The following HGF variants were observed in gnomAD, a reference collection of about 807,000 sequenced individuals.
HGF encodes the protein fibroblast-derived tumor cytotoxic factor.
In HGF, 39 loss-of-function variants were observed where a neutral mutation model predicts 111.6. That is an observed-to-expected ratio of 0.35 (90% CI 0.27 to 0.46). The LOEUF (loss-of-function observed/expected upper bound fraction) is 0.46, where lower values mean the gene tolerates loss of function less well. Ranked by LOEUF, HGF falls within the 20% of genes least tolerant of loss-of-function variation. HGF has a pLI of 1.00. For synonymous variants in HGF, 285 were observed against 294.8 expected, an observed-to-expected ratio of 0.97 and a Z score of 0.34; for missense variants, 735 against 910.5, an observed-to-expected ratio of 0.81 and a Z score of 2.48.
At chr7:81,754,493 T>C (rs1190662972) in intron 4 of HGF, among the ~76,000 whole-genome samples, 3 of 151,672 alleles carry the variant, frequency 2.0e-5, no homozygotes, top group Non-Finnish European at 4.4e-5. Context: ...CAAATACAGG[T>C]AGAAAGGAAG....
intron 8 of HGF, among the ~76,000 whole-genome samples, chr7:81,727,278 G>T (rs1250351596): frequency 6.6e-6 from 1 of 151,570 alleles, no homozygotes; most frequent in Non-Finnish European, 1.5e-5. Flanking sequence ...CTCCTGACCT[G>T]GTGATCTGCC....
intron 13 of HGF, among the ~76,000 whole-genome samples, chr7:81,708,986 T>C (rs895512937): frequency 8.5e-5 from 13 of 152,134 alleles, no homozygotes; most frequent in African/African-American, 2.9e-4. Flanking sequence ...TCCTACAACA[T>C]TGTGGTCATC....
chr7:81,756,895 C>G, intron 4 of HGF: 1 of 456,010 alleles, frequency 2.2e-6, no homozygotes, highest in Non-Finnish European at 4.0e-6. Flanking sequence ...CGTACTTTCT[C>G]AAAGACAGGA....
chr7:81,743,484 C>T lies in HGF; in HGVS notation c.747-13G>A. ...CTTGTCGGGATATCTGCAAACCACA[C>T]CAAGAAAAGTGTCACGTAAATCTGC... is the stretch of plus-strand genomic sequence containing the variant. On this transcript the variant is annotated splice_polypyrimidine_tract_variant and intron_variant, in intron 6 of 17. Transcript: ENST00000222390. The T allele has an allele frequency of 6.6e-7, 1 of 1,525,774 alleles. No homozygotes were observed. The highest frequency in any genetic ancestry group is 2.2e-5 in the East Asian group (1 of 44,472). 94.5% of individuals were successfully genotyped at this position (1,525,774 alleles called of 1,614,324 possible). A position where few individuals can be genotyped will look rare whatever the true frequency, so the allele number is the denominator to read the frequency against.
chr7:81,710,497 T>A (rs1272065868), intron 12 of HGF, among the ~76,000 whole-genome samples: 4 of 151,972 alleles, frequency 2.6e-5, no homozygotes, highest in African/African-American at 9.7e-5. Context: ...GCCATGAGAG[T>A]GACAATGGCT....
intron 9 of HGF, among the ~76,000 whole-genome samples, chr7:81,723,248 G>T (rs1789919931): frequency 6.6e-6 from 1 of 152,112 alleles, no homozygotes; most frequent in Non-Finnish European, 1.5e-5. Context: ...AGTAGAAATG[G>T]AATGGCATGG....
intron 12 of HGF, 54 bp downstream of exon 12, chr7:81,711,427 C>T (rs1367816186): frequency 2.0e-6 from 2 of 981,716 alleles, no homozygotes; most frequent in Non-Finnish European, 3.1e-6. Flanking sequence ...AATGACACTT[C>T]TGACACACAG....
intron 7 of HGF, among the ~76,000 whole-genome samples, chr7:81,742,258 T>C (rs1171294892): frequency 6.6e-6 from 1 of 152,212 alleles, no homozygotes; most frequent in Non-Finnish European, 1.5e-5. Flanking sequence ...TTTCCTTTTA[T>C]TAGCAGGTCT....
chr7:81,758,302 A>G (rs946388239), intron 3 of HGF, among the ~76,000 whole-genome samples: 4 of 152,164 alleles, frequency 2.6e-5, no homozygotes, highest in Admixed American at 6.5e-5. Context: ...TAGTTATCCA[A>G]CATTGTTAAA....
rs541620728 is a variant in HGF at position 81,723,677 on chromosome 7, T to G, written c.1168+2213A>C. Among the ~76,000 whole-genome samples the G allele has an allele frequency of 5.3e-5, 8 of 151,098 alleles. No homozygotes were observed. In the South Asian group the frequency reaches 1.7e-3, roughly 32 times the overall value. On this transcript the variant is annotated intron_variant, in intron 9 of 17. Transcript: ENST00000222390. ...TTTTTAATATCCAGTTGGAAGAATA[T>G]TTATATATATATTAATTCAGATGTT... is the stretch of plus-strand genomic sequence containing the variant.
At chr7:81,715,456 C>A (rs1164111319) in intron 11 of HGF, among the ~76,000 whole-genome samples, 1 of 151,870 alleles carries the variant, frequency 6.6e-6, no homozygotes, top group Non-Finnish European at 1.5e-5. Context: ...AAGTGAAGAA[C>A]ATTAGGAAAA....
Position 81,706,392 on chromosome 7 carries a change from T to C in HGF, c.1652A>G (p.His551Arg), listed in dbSNP as rs752861058. Residue 551 changes from histidine (H) to arginine (R), a missense_variant, in exon 15 of 18, where the codon CAT becomes CGT. This residue lies in a region of HGF where 130 missense variants were observed against 129.9 expected (regional missense o/e 1.00). Coordinates refer to ENST00000222390, the MANE Select transcript of HGF (RefSeq NM_000601.6). The part of the protein sequence containing the change: ...LKDYEAWLGI[H>R]DVHGRGDEKC... ...CTCATCTCCTCTTCCGTGGACATCATGAATTCCAAGCCAAGCTTCATAATC... is the reference window on the plus strand; with the variant it reads ...CTCATCTCCTCTTCCGTGGACATCACGAATTCCAAGCCAAGCTTCATAATC... The C allele has an allele frequency of 2.5e-6, 4 of 1,612,518 alleles. No individual in the cohort carries two copies. The East Asian group carries it at 8.9e-5, about 36-fold the overall frequency.
chr7:81,751,127 A>T (rs1405130547), intron 5 of HGF: 5 of 900,786 alleles, frequency 5.6e-6, no homozygotes, highest in Non-Finnish European at 6.6e-6. Flanking sequence ...TATCAACCTA[A>T]TATTAAATGA....
At chr7:81,716,045 CT>C (rs1273523338) in intron 11 of HGF, among the ~76,000 whole-genome samples, 2 of 152,092 alleles carry the variant, frequency 1.3e-5, no homozygotes, top group Non-Finnish European at 2.9e-5. Flanking sequence ...TATAAAAAGG[CT>C]TTTTCACTCA....
rs569368057 is a variant in HGF at position 81,753,458 on chromosome 7, G to A, written c.483-1196C>T. On this transcript the variant is annotated intron_variant, in intron 4 of 17. Coordinates refer to ENST00000222390, the MANE Select transcript of HGF (RefSeq NM_000601.6). ...CACTAAAATTAGAGTGAAGTCCAAG[G>A]ATTTTAGTATCTTAGTAAATACCAT... Among the ~76,000 whole-genome samples the A allele has an allele frequency of 1.8e-3, 275 of 152,060 alleles. 1 individual carries two copies. Among genetic ancestry groups the A allele is most frequent in the African/African-American group, 6.4e-3 (266 of 41,516 alleles).
intron 14 of HGF, among the ~76,000 whole-genome samples, chr7:81,707,060 C>T (rs554432923): frequency 6.6e-6 from 1 of 151,942 alleles, no homozygotes; most frequent in African/African-American, 2.4e-5. Context: ...GCAAAATTTT[C>T]CCCAACTGAG....
chr7:81,747,645 TAC>T (rs1353048344), intron 5 of HGF, among the ~76,000 whole-genome samples: 1 of 152,212 alleles, frequency 6.6e-6, no homozygotes, highest in Non-Finnish European at 1.5e-5. Context: ...TTAAATATAT[TAC>T]AGTTACATAT....
chr7:81,743,572 G>T, intron 6 of HGF, 101 bp from the exon 7 acceptor site: 1 of 816,760 alleles, frequency 1.2e-6, no homozygotes. Context: ...TCTACACCTA[G>T]CTGGGGAAAG....
chr7:81,714,976 A>G (rs968073246), intron 11 of HGF, among the ~76,000 whole-genome samples: 1 of 152,158 alleles, frequency 6.6e-6, no homozygotes, highest in African/African-American at 2.4e-5. Flanking sequence ...AAATACTAGT[A>G]ACCCCCTCAA....
Sources: gnomAD v4.1 joint callset for allele counts (sites outside exome capture counted in the v4.1 genomes callset) on GRCh38, gnomAD v4.1.1 for gene constraint, gnomAD v4.1.1 regional missense constraint, MANE v1.5 for transcripts, NCBI Gene and HGNC (gene_info 2026-07-23, HGNC 2026-07-21) for gene names.